Variants in BPHL observed in about 807,000 individuals in gnomAD.
The protein encoded by BPHL is biphenyl hydrolase like.
BPHL carries 27 observed loss-of-function variants against 31.2 expected under a neutral mutation model. That is an observed-to-expected ratio of 0.87 (90% confidence interval 0.64 to 1.19). The LOEUF is 1.19. Among genes scored for constraint, BPHL ranks in the 50% most tolerant of loss-of-function variants. The probability of loss-of-function intolerance (pLI) is 0.00; values close to 1 mark genes in which losing one functional copy is unlikely to be tolerated. For synonymous variants in BPHL, 150 were observed against 146.8 expected, an observed-to-expected ratio of 1.02 and a Z score of -0.16; for missense variants, 356 against 375.7, an observed-to-expected ratio of 0.95 and a Z score of 0.43.
intron 4 of BPHL, among the ~76,000 whole-genome samples, chr6:3,133,302 C>T (rs1185673489): frequency 2.0e-5 from 3 of 152,130 alleles, no homozygotes; most frequent in African/African-American, 4.8e-5. Context: ...ACCAGGCTCC[C>T]GCCAGCCTCG....
chr6:3,123,624 T>TC, intron 1 of BPHL, 33 bp from the exon 2 acceptor site: 1 of 1,578,286 alleles, frequency 6.3e-7, no homozygotes, highest in Non-Finnish European at 8.7e-7. Flanking sequence ...ATCTCCCCTT[T>TC]CCCCCTGTGG....
intron 1 of BPHL, among the ~76,000 whole-genome samples, chr6:3,121,538 C>T (rs976518199): frequency 2.6e-5 from 4 of 152,008 alleles, no homozygotes; most frequent in South Asian, 2.1e-4. Flanking sequence ...CTCCTGACCT[C>T]GTGATCCTGA....
chr6:3,138,635 A>C (rs1581476822), intron 5 of BPHL: 1 of 152,570 alleles, frequency 6.6e-6, no homozygotes, highest in Non-Finnish European at 1.5e-5. Context: ...CAAATATATC[A>C]AATGTATGCC....
rs1300178739 is a variant in BPHL, at chr6:3,145,218, GGGTCCGAGTGCTGGTTC to G, written c.788+4712_788+4728del. Among the ~76,000 whole-genome samples the G allele has an allele frequency of 3.5e-3, 245 of 69,180 alleles. 12 individuals carry two copies. The highest frequency in any genetic ancestry group is 0.014 in the African/African-American group (218 of 15,078). 45.4% of individuals were successfully genotyped at this position (69,180 alleles called of 152,430 possible). On this transcript the variant is annotated intron_variant, in intron 6 of 6. Transcript: ENST00000380379. ...CTGGTTCGGGGTGGAGTGCTGGTTCGGGTCCGAGTGCTGGTTCGGGTGGAGTGCTGGTTCGGGGTGGA... is the reference window on the plus strand; with the variant it reads ...CTGGTTCGGGGTGGAGTGCTGGTTCGGGGTGGAGTGCTGGTTCGGGGTGGA...
Position 3,118,781 on chromosome 6 carries a change from G to T in BPHL, c.41G>T (p.Arg14Leu). 8.0e-7 allele frequency: 1 copy of T among 1,252,096 alleles called. No homozygotes were observed. 77.6% of individuals were successfully genotyped at this position (1,252,096 alleles called of 1,614,324 possible). A position where few individuals can be genotyped will look rare whatever the true frequency, so the allele number is the denominator to read the frequency against. ...GGCGGCCGGGGCGTGTTGCGCCTGC[G>T]GCTGCTTCTCTCAGCGCTGAAGCCC... ...VLGGRGVLRLRLLLSALKPGI... is the reference protein window; with the variant it reads ...VLGGRGVLRLLLLLSALKPGI... The change falls in exon 1 of 7, where the codon CGG becomes CTG. Residue 14 changes from arginine (R) to leucine (L), a missense_variant. Transcript: ENST00000380379.
At chr6:3,132,461 AC>A (rs1214846117) in intron 4 of BPHL, among the ~76,000 whole-genome samples, 1 of 150,848 alleles carries the variant, frequency 6.6e-6, no homozygotes, top group Non-Finnish European at 1.5e-5. Flanking sequence ...CACACCTCAC[AC>A]CTGAGTAGCT....
At chr6:3,147,465 G>A (rs997970810) in intron 6 of BPHL, among the ~76,000 whole-genome samples, 3 of 151,920 alleles carry the variant, frequency 2.0e-5, no homozygotes, top group Admixed American at 1.3e-4. Context: ...AGAAGGTCTC[G>A]CTCTGTTGCC....
At chr6:3,128,728 A>G (rs953954734) in intron 3 of BPHL, among the ~76,000 whole-genome samples, 3 of 152,250 alleles carry the variant, frequency 2.0e-5, no homozygotes, top group African/African-American at 7.2e-5. Context: ...ACACGCATAC[A>G]CACGTATGCT....
rs371053494 is a variant in BPHL at position 3,137,805 on chromosome 6, G to A, written c.664+312G>A. 1.1e-3 allele frequency among the ~76,000 whole-genome samples: 161 copies of A among 152,134 alleles called. 1 individual carries two copies. Among genetic ancestry groups the A allele is most frequent in the African/African-American group, 3.8e-3 (157 of 41,498 alleles). On this transcript the variant is annotated intron_variant, in intron 5 of 6. Coordinates refer to ENST00000380379, the MANE Select transcript of BPHL (RefSeq NM_004332.4). The stretch of plus-strand genomic sequence containing the variant: ...AATAATTATCCAGAAGCCTTAAACC[G>A]TTTCTATTTTCTAATTCCAGAATGA...
chr6:3,141,339 AC>A (rs963577872), intron 6 of BPHL, among the ~76,000 whole-genome samples: 8 of 152,286 alleles, frequency 5.3e-5, no homozygotes, highest in Non-Finnish European at 1.0e-4. Flanking sequence ...GCAGGATTAT[AC>A]TGCGGGTGGA....
At chr6:3,136,074 C>T (rs931594330) in intron 4 of BPHL, among the ~76,000 whole-genome samples, 3 of 152,218 alleles carry the variant, frequency 2.0e-5, no homozygotes, top group African/African-American at 7.2e-5. Context: ...TACACACTCA[C>T]ACCCCGGTTT....
chr6:3,122,884 C>G (rs1446340305), intron 1 of BPHL, among the ~76,000 whole-genome samples: 1 of 152,204 alleles, frequency 6.6e-6, no homozygotes, highest in East Asian at 1.9e-4. Flanking sequence ...GACCTTGGGA[C>G]CAGTCTCATC....
At chr6:3,143,308 C>T (rs1417091780) in intron 6 of BPHL, among the ~76,000 whole-genome samples, 1 of 152,222 alleles carries the variant, frequency 6.6e-6, no homozygotes, top group Non-Finnish European at 1.5e-5. Flanking sequence ...ATGTGTGAAG[C>T]AAACACCAAA....
At position 3,140,258 on chromosome 6, in the gene BPHL, C is replaced by A. The variant is rs1264625314; in HGVS notation, c.665-128C>A. On this transcript the variant is annotated intron_variant, in intron 5 of 6. Coordinates refer to ENST00000380379, the MANE Select transcript of BPHL (RefSeq NM_004332.4). This position sits in a 1 kb window ranked among gnomAD's most constrained non-coding sequence, Gnocchi z 5.2. ...GAAGGAATCCCAGGCACGGTCAAAT[C>A]CAAAACACAGTTTTTACGGATAGGG... 10 of 1,260,634 alleles carry A rather than the reference C, an allele frequency of 7.9e-6. No individual in the cohort carries two copies. The highest frequency in any genetic ancestry group is 3.0e-5 in the African/African-American group (2 of 66,374). The allele number at this position is 1,260,634 out of a possible 1,614,324, so 78.1% of individuals were successfully genotyped here.
At chr6:3,119,698 G>A (rs1056265206) in intron 1 of BPHL, among the ~76,000 whole-genome samples, 1 of 152,196 alleles carries the variant, frequency 6.6e-6, no homozygotes, top group African/African-American at 2.4e-5. Context: ...CACAGTGCAT[G>A]TGCGCAGTTG....
chr6:3,125,201 A>G (rs1761682116), intron 2 of BPHL, among the ~76,000 whole-genome samples: 1 of 152,012 alleles, frequency 6.6e-6, no homozygotes, highest in African/African-American at 2.4e-5. Context: ...GTGCACCACC[A>G]TGCCTGGCTA....
chr6:3,129,343 A>G (rs1411757361), intron 4 of BPHL, 145 bp downstream of exon 4: 2 of 1,168,432 alleles, frequency 1.7e-6, no homozygotes, highest in Admixed American at 6.9e-5. Flanking sequence ...ACGAGTTCTC[A>G]GAAAAGTAAT....
rs1762157137 is a variant in BPHL, at chr6:3,140,928, T to C, written c.788+419T>C. 6.6e-6 allele frequency among the ~76,000 whole-genome samples: 1 copy of C among 152,252 alleles called. No individual in the cohort carries two copies. Among genetic ancestry groups the C allele is most frequent in the South Asian group, 2.1e-4 (1 of 4,832 alleles). On this transcript the variant is annotated intron_variant, in intron 6 of 6. Transcript: ENST00000380379. The surrounding 1 kb of genome is among the most constrained non-coding windows in gnomAD (Gnocchi z 5.2). ...TCTGTTAAACCAAATTTCTGATGTC[T>C]GCTGACAGCCAGCCCTACTCAGCAC...
At chr6:3,137,074 C>A (rs913102543) in intron 4 of BPHL, among the ~76,000 whole-genome samples, 1 of 151,890 alleles carries the variant, frequency 6.6e-6, no homozygotes, top group Admixed American at 6.6e-5. Flanking sequence ...GATTTGTGGG[C>A]CTGTATTGTG....
Sources: allele counts gnomAD v4.1 joint callset (sites outside exome capture counted in the v4.1 genomes callset), GRCh38; gene constraint gnomAD v4.1.1; non-coding constraint Gnocchi (gnomAD v3.1); transcripts MANE v1.5; gene names NCBI Gene and HGNC (gene_info 2026-07-23, HGNC 2026-07-21).